Variants in KCNG3 observed in about 807,000 individuals in gnomAD.
KCNG3 encodes the protein potassium voltage-gated channel modifier subfamily G member 3.
In KCNG3, 15 loss-of-function variants were observed where a neutral mutation model predicts 29.0. The observed-to-expected ratio is 0.52, with a 90% CI of 0.35 to 0.80. KCNG3 has a LOEUF of 0.80. Ranked by LOEUF, KCNG3 falls within the 30% of genes least tolerant of loss-of-function variation. The pLI, the probability that KCNG3 is intolerant of heterozygous loss-of-function variation, is 0.01. For missense variants in KCNG3, 512 were observed against 605.7 expected (o/e 0.85, Z 1.62); for synonymous variants, 322 against 248.9 (o/e 1.29, Z -2.76).
intron 1 of KCNG3, among the ~76,000 whole-genome samples, chr2:42,449,098 C>A (rs1454683767): frequency 6.6e-6 from 1 of 151,964 alleles, no homozygotes; most frequent in Non-Finnish European, 1.5e-5. Context: ...TGTGGGGGGT[C>A]CTGGAACCAA....
chr2:42,439,239 T>A (rs114027958), downstream of KCNG3, among the ~76,000 whole-genome samples: 1,502 of 108,324 alleles, frequency 0.014, 19 homozygotes, highest in South Asian at 0.073. Context: ...AAACTGTCAA[T>A]TATATATTAT....
At chr2:42,462,436 T>C (rs940138290) in intron 1 of KCNG3, among the ~76,000 whole-genome samples, 64 of 152,180 alleles carry the variant, frequency 4.2e-4, no homozygotes, top group African/African-American at 1.5e-3. Context: ...CAGTGGCTCA[T>C]GCCTGTAATC....
intron 1 of KCNG3, among the ~76,000 whole-genome samples, chr2:42,475,199 A>T (rs1252713686): frequency 6.6e-6 from 1 of 152,156 alleles, no homozygotes; most frequent in Non-Finnish European, 1.5e-5. Flanking sequence ...TACTGGGTGC[A>T]GTGTAGTCCC....
At chr2:42,453,757 G>A (rs1672818047) in intron 1 of KCNG3, among the ~76,000 whole-genome samples, 1 of 152,102 alleles carries the variant, frequency 6.6e-6, no homozygotes, top group African/African-American at 2.4e-5. Context: ...CTATGCTGGT[G>A]GGGTACTGCT....
the KCNG3 span, among the ~76,000 whole-genome samples, chr2:42,408,220 A>C: frequency 2.6e-5 from 4 of 152,128 alleles, no homozygotes; most frequent in African/African-American, 9.7e-5. Context: ...AGCGGGAGGC[A>C]AGACAGGCTC....
At chr2:42,433,060 G>A in the KCNG3 span, among the ~76,000 whole-genome samples, 4 of 151,988 alleles carry the variant, frequency 2.6e-5, no homozygotes, top group African/African-American at 4.8e-5. Flanking sequence ...TAGCAATGAA[G>A]GACTGCAATT....
downstream of KCNG3, among the ~76,000 whole-genome samples, chr2:42,439,201 A>C (rs1672424946): frequency 6.6e-6 from 1 of 152,040 alleles, no homozygotes; most frequent in Non-Finnish European, 1.5e-5. Context: ...AAGGCTTCTA[A>C]AAGCAATATT....
intron 1 of KCNG3, chr2:42,469,912 A>G: frequency 3.3e-6 from 1 of 300,302 alleles, no homozygotes. Context: ...CATCTGATGA[A>G]ATGAAGGAGA....
Position 42,493,216 on chromosome 2 carries a change from T to A in KCNG3, c.286A>T (p.Asn96Tyr). 6.2e-7 allele frequency: 1 copy of A among 1,611,248 alleles called. No individual in the cohort carries two copies. The change falls in exon 1 of 2, where the codon AAC becomes TAC. Residue 96 changes from asparagine (N) to tyrosine (Y), a missense_variant. Transcript: ENST00000306078. Reference sequence around the variant, plus strand: ...TCCAGGCCCCAGTAGATCATCTCGTTGTAGAAGGAGAGCTCGCACATCCGC... The same window carrying A: ...TCCAGGCCCCAGTAGATCATCTCGTAGTAGAAGGAGAGCTCGCACATCCGC... Reference protein sequence around the residue: ...APRMCELSFYNEMIYWGLEGA... With the variant: ...APRMCELSFYYEMIYWGLEGA...
chr2:42,443,835 A>G lies in KCNG3; in HGVS notation c.*99T>C, dbSNP rs1254451697. The G allele has an allele frequency of 8.8e-7, 1 of 1,131,464 alleles. No homozygotes were observed. The highest frequency in any genetic ancestry group is 1.6e-5 in the African/African-American group (1 of 63,926). The allele number at this position is 1,131,464 out of a possible 1,614,324, so 70.1% of individuals were successfully genotyped here. A position where few individuals can be genotyped will look rare whatever the true frequency, so the allele number is the denominator to read the frequency against. On this transcript the variant is annotated 3_prime_UTR_variant, in exon 2 of 2. Coordinates refer to ENST00000306078, the MANE Select transcript of KCNG3 (RefSeq NM_133329.6). ...TAATTTTTACCCTACCAAGATGATGACAATGCCACTGCAGTGCTCACCCAG... is the reference window on the plus strand; with the variant it reads ...TAATTTTTACCCTACCAAGATGATGGCAATGCCACTGCAGTGCTCACCCAG...
chr2:42,439,487 T>C (rs553164158), downstream of KCNG3, among the ~76,000 whole-genome samples: 5 of 151,566 alleles, frequency 3.3e-5, no homozygotes, highest in Admixed American at 3.3e-4. Flanking sequence ...GGTTTCGAAC[T>C]CCTGACCTCA....
the KCNG3 span, among the ~76,000 whole-genome samples, chr2:42,401,412 T>C: frequency 6.7e-6 from 1 of 150,286 alleles, no homozygotes; most frequent in Non-Finnish European, 1.5e-5. Flanking sequence ...ATGAATTATA[T>C]AGAGAAAAAT....
chr2:42,418,690 T>A, the KCNG3 span, among the ~76,000 whole-genome samples: 2 of 152,204 alleles, frequency 1.3e-5, no homozygotes, highest in Non-Finnish European at 2.9e-5. Flanking sequence ...ACATGTATCA[T>A]AAATTTTACC....
At chr2:42,393,227 C>CA in the KCNG3 span, among the ~76,000 whole-genome samples, 17 of 131,948 alleles carry the variant, frequency 1.3e-4, no homozygotes, top group East Asian at 6.5e-4. Flanking sequence ...AACAGGAAAA[C>CA]AAAAAAAAAC....
At chr2:42,392,339 C>T in the KCNG3 span, among the ~76,000 whole-genome samples, 11 of 152,090 alleles carry the variant, frequency 7.2e-5, no homozygotes, top group Admixed American at 6.6e-4. Context: ...GCTTGTTGCA[C>T]TACTAGTTAC....
chr2:42,430,561 G>A, the KCNG3 span, among the ~76,000 whole-genome samples: 1 of 151,600 alleles, frequency 6.6e-6, no homozygotes, highest in South Asian at 2.1e-4. Context: ...GACCAGCCTG[G>A]GCAACATAGT....
At chr2:42,452,341 A>G (rs997306710) in intron 1 of KCNG3, among the ~76,000 whole-genome samples, 2 of 150,714 alleles carry the variant, frequency 1.3e-5, no homozygotes, top group African/African-American at 4.9e-5. Flanking sequence ...AAATTCACCT[A>G]AAGCATTTAT....
the KCNG3 span, among the ~76,000 whole-genome samples, chr2:42,431,642 C>A: frequency 6.6e-6 from 1 of 152,170 alleles, no homozygotes; most frequent in Non-Finnish European, 1.5e-5. Flanking sequence ...GGAAATGTTG[C>A]TTGCAGATAA....
the KCNG3 span, among the ~76,000 whole-genome samples, chr2:42,419,400 G>C: frequency 6.6e-6 from 1 of 151,530 alleles, no homozygotes; most frequent in South Asian, 2.1e-4. Flanking sequence ...ACCATGCCCG[G>C]CCAATTTTTT....
Sources: gnomAD v4.1 joint callset for allele counts (sites outside exome capture counted in the v4.1 genomes callset) on GRCh38, gnomAD v4.1.1 for gene constraint, MANE v1.5 for transcripts, NCBI Gene and HGNC (gene_info 2026-07-23, HGNC 2026-07-21) for gene names.